The following URAD variants were observed in gnomAD, a reference collection of about 807,000 sequenced individuals.
URAD encodes ureidoimidazoline (2-oxo-4-hydroxy-4-carboxy-5-) decarboxylase.
A neutral mutation model predicts 4.6 loss-of-function variants in URAD; 4 were observed. That is an observed-to-expected ratio of 0.87 (90% CI 0.43 to 1.98). The LOEUF (loss-of-function observed/expected upper bound fraction) is 1.98. Ranked by LOEUF, URAD falls within the 30% of genes most tolerant of loss-of-function variation. The probability of loss-of-function intolerance (pLI) is 0.03; values close to 1 mark genes in which losing one functional copy is unlikely to be tolerated. For synonymous variants in URAD, 144 were observed against 118.2 expected (o/e 1.22, Z -1.41); for missense variants, 300 against 255.3 (o/e 1.18, Z -1.19).
At position 27,978,103 on chromosome 13, in the gene URAD, C is replaced by A; in HGVS notation, c.*3G>T. The stretch of plus-strand genomic sequence containing the variant: ...CGTCCCGGGTCCCTGGCCCGCGCGG[C>A]AGCTACAGCTTGGCGGGGTCTGCGC... On this transcript the variant is annotated 3_prime_UTR_variant, in exon 2 of 2. Transcript: ENST00000332715. 6.7e-7 allele frequency: 1 copy of A among 1,490,968 alleles called. No homozygotes were observed. The highest frequency in any genetic ancestry group is 8.8e-7 in the Non-Finnish European group (1 of 1,135,746). 92.4% of individuals were successfully genotyped at this position (1,490,968 alleles called of 1,614,324 possible).
intron 1 of URAD, among the ~76,000 whole-genome samples, chr13:27,980,757 G>A (rs1453028524): frequency 1.3e-5 from 2 of 152,130 alleles, no homozygotes; most frequent in African/African-American, 4.8e-5. Context: ...GGCGGCGGCG[G>A]CGTCCCGCCA....
chr13:27,988,474 AG>A lies in URAD; in HGVS notation c.163del (p.Ala56HisfsTer38). On this transcript the variant is annotated frameshift_variant, in exon 1 of 2. Transcript: ENST00000332715. LOFTEE classifies it low-confidence loss of function (END_TRUNC). ...TACGGAAGCCTTACCTGACTGTGCAAGGGCATCAATAAAGGCAAAAAAGTGC... is the reference window on the plus strand; with the variant it reads ...TACGGAAGCCTTACCTGACTGTGCAAGGCATCAATAAAGGCAAAAAAGTGC... Reference protein sequence around the residue: ...EKHFFAFIDALAQSGQEGILR... With the variant: ...EKHFFAFIDAXAQSGQEGILR... 1 of 1,610,508 alleles carries A rather than the reference AG, an allele frequency of 6.2e-7. No individual in the cohort carries two copies. The highest frequency in any genetic ancestry group is 8.5e-7 in the Non-Finnish European group (1 of 1,178,204).
intron 1 of URAD, among the ~76,000 whole-genome samples, chr13:27,978,730 G>A (rs948020916): frequency 2.6e-5 from 4 of 151,856 alleles, no homozygotes; most frequent in African/African-American, 9.7e-5. Context: ...GGGGCGGGAA[G>A]TGACACGTTT....
intron 1 of URAD, among the ~76,000 whole-genome samples, chr13:27,987,236 C>T (rs1299597416): frequency 6.6e-6 from 1 of 152,172 alleles, no homozygotes; most frequent in Non-Finnish European, 1.5e-5. Context: ...CCCCTCGCCA[C>T]CCCTTCAGTA....
chr13:27,985,046 G>A (rs1869985911), intron 1 of URAD, among the ~76,000 whole-genome samples: 1 of 152,176 alleles, frequency 6.6e-6, no homozygotes, highest in Non-Finnish European at 1.5e-5. Flanking sequence ...CATGTTTATG[G>A]TGTGCACCTT....
At chr13:27,979,443 G>A (rs1389611229) in intron 1 of URAD, among the ~76,000 whole-genome samples, 1 of 152,244 alleles carries the variant, frequency 6.6e-6, no homozygotes, top group Admixed American at 6.5e-5. Context: ...GATATGGTGA[G>A]CAGGGCGCTA....
intron 1 of URAD, among the ~76,000 whole-genome samples, chr13:27,981,313 T>G (rs1329676265): frequency 1.3e-5 from 2 of 152,152 alleles, no homozygotes; most frequent in East Asian, 3.9e-4. Flanking sequence ...ACTGGGCAAG[T>G]AGGTGCCATC....
At chr13:27,982,685 TTCATCTGGATGATTTTTGGGTA>T (rs1467553521) in intron 1 of URAD, among the ~76,000 whole-genome samples, 1 of 152,174 alleles carries the variant, frequency 6.6e-6, no homozygotes, top group East Asian at 1.9e-4. Flanking sequence ...AGTCAGCATT[TTCATCTGGATGATTTTTGGGTA>T]TCTTAGACTC....
Position 27,984,265 on chromosome 13 carries a change from T to C in URAD, c.175+4198A>G, listed in dbSNP as rs559733052. On this transcript the variant is annotated intron_variant, in intron 1 of 1. Transcript: ENST00000332715. Reference sequence around the variant, plus strand: ...AAAGTTGTATTGCTCTTTAATTTCATAACACAAATCCGTCCTGAATTTCTT... The same window carrying C: ...AAAGTTGTATTGCTCTTTAATTTCACAACACAAATCCGTCCTGAATTTCTT... Among the ~76,000 whole-genome samples, 11 of 152,360 alleles carry C rather than the reference T, an allele frequency of 7.2e-5. No homozygotes were observed. The South Asian group carries it at 1.5e-3, about 20-fold the overall frequency.
rs1007438576 is a variant in URAD at position 27,978,082 on chromosome 13, C to T, written c.*24G>A. On this transcript the variant is annotated 3_prime_UTR_variant, in exon 2 of 2. Transcript: ENST00000332715. ...GCCCCCGCGCGTCCGGTTGTGCGTC[C>T]CGGGTCCCTGGCCCGCGCGGCAGCT... The T allele has an allele frequency of 2.1e-6, 3 of 1,445,136 alleles. No individual in the cohort carries two copies. Among genetic ancestry groups the T allele is most frequent in the Non-Finnish European group, 2.7e-6 (3 of 1,113,642 alleles). The allele number at this position is 1,445,136 out of a possible 1,614,324, so 89.5% of individuals were successfully genotyped here.
At chr13:27,982,476 C>T (rs1034555900) in intron 1 of URAD, among the ~76,000 whole-genome samples, 2 of 152,154 alleles carry the variant, frequency 1.3e-5, no homozygotes, top group Admixed American at 1.3e-4. Flanking sequence ...TTTCATCTTG[C>T]TCTGCCAGAT....
chr13:27,981,724 C>T (rs1869883058), intron 1 of URAD, among the ~76,000 whole-genome samples: 1 of 152,146 alleles, frequency 6.6e-6, no homozygotes, highest in Non-Finnish European at 1.5e-5. Context: ...GAAGGCCAAC[C>T]CCTCCATTTG....
At chr13:27,978,495 C>G (rs1869784016) in intron 1 of URAD, 43 bp from the exon 2 acceptor site, 2 of 1,284,756 alleles carry the variant, frequency 1.6e-6, no homozygotes, top group Admixed American at 4.2e-5. Flanking sequence ...GTCAACCGCG[C>G]CCGTCCCGCA....
At chr13:27,985,819 A>G (rs896372933) in intron 1 of URAD, among the ~76,000 whole-genome samples, 10 of 152,178 alleles carry the variant, frequency 6.6e-5, no homozygotes, top group South Asian at 4.1e-4. Context: ...TAAGAATGGG[A>G]GCAATAATAA....
intron 1 of URAD, among the ~76,000 whole-genome samples, chr13:27,987,019 T>A (rs1015279688): frequency 1.1e-4 from 16 of 152,188 alleles, no homozygotes; most frequent in Admixed American, 6.5e-4. Flanking sequence ...TTCCTGTCCA[T>A]TTGATTTTAT....
chr13:27,984,744 C>T (rs1238202888), intron 1 of URAD, among the ~76,000 whole-genome samples: 4 of 152,154 alleles, frequency 2.6e-5, no homozygotes, highest in Admixed American at 1.3e-4. Flanking sequence ...TTTGGGAGGC[C>T]GAGGTGGGCG....
chr13:27,985,072 T>C (rs1320482180), intron 1 of URAD, among the ~76,000 whole-genome samples: 4 of 152,242 alleles, frequency 2.6e-5, no homozygotes, highest in African/African-American at 7.2e-5. Context: ...TTTCCATATA[T>C]GTATACATTG....
At chr13:27,982,131 T>TA (rs1038440951) in intron 1 of URAD, among the ~76,000 whole-genome samples, 2 of 151,898 alleles carry the variant, frequency 1.3e-5, no homozygotes, top group Non-Finnish European at 2.9e-5. Flanking sequence ...CCTCTCTCCT[T>TA]AAAAAATGAC....
chr13:27,984,838 G>T (rs1055512800), intron 1 of URAD, among the ~76,000 whole-genome samples: 1 of 152,102 alleles, frequency 6.6e-6, no homozygotes, highest in Non-Finnish European at 1.5e-5. Flanking sequence ...AATTAGCCGG[G>T]CATGGTGGTG....
Sources: allele counts gnomAD v4.1 joint callset (sites outside exome capture counted in the v4.1 genomes callset), GRCh38; gene constraint gnomAD v4.1.1; transcripts MANE v1.5; gene names NCBI Gene and HGNC (gene_info 2026-07-23, HGNC 2026-07-21).